The following RGS7 variants were observed in gnomAD, a reference collection of about 807,000 sequenced individuals.
RGS7 encodes the protein regulator of G-protein signaling 7.
A neutral mutation model predicts 81.1 loss-of-function variants in RGS7; 27 were observed. The ratio of observed to expected loss-of-function variants is 0.33; its 90% CI spans 0.25 to 0.46. The LOEUF is 0.46. Among genes scored for constraint, RGS7 ranks in the 20% least tolerant of loss-of-function variants. The probability of loss-of-function intolerance (pLI) is 1.00; values close to 1 mark genes in which losing one functional copy is unlikely to be tolerated. For missense variants in RGS7, 396 were observed against 607.4 expected, an observed-to-expected ratio of 0.65 and a Z score of 3.66; for synonymous variants, 208 against 207.7, an observed-to-expected ratio of 1.00 and a Z score of -0.01.
At chr1:241,093,262 C>T (rs1439452712) in intron 3 of RGS7, among the ~76,000 whole-genome samples, 2 of 152,112 alleles carry the variant, frequency 1.3e-5, no homozygotes, top group East Asian at 1.9e-4. Context: ...ACAGACAATT[C>T]AAGTTCTTTG....
At chr1:241,283,246 C>T (rs2078621576) in intron 2 of RGS7, among the ~76,000 whole-genome samples, 1 of 152,140 alleles carries the variant, frequency 6.6e-6, no homozygotes. Flanking sequence ...AGTCTTTGCT[C>T]CTTTTTCATG....
intron 2 of RGS7, among the ~76,000 whole-genome samples, chr1:241,169,503 C>T (rs1469814244): frequency 4.0e-5 from 6 of 151,882 alleles, no homozygotes; most frequent in African/African-American, 9.6e-5. Context: ...CCACCACACC[C>T]GGCTAATTTT....
chr1:240,956,239 C>G (rs1363026629), intron 4 of RGS7, among the ~76,000 whole-genome samples: 1 of 152,100 alleles, frequency 6.6e-6, no homozygotes, highest in Admixed American at 6.6e-5. Flanking sequence ...GTTGCCCTAT[C>G]TGCCTTTCCT....
chr1:241,012,062 C>T (rs1314932553), intron 3 of RGS7, among the ~76,000 whole-genome samples: 1 of 152,108 alleles, frequency 6.6e-6, no homozygotes, highest in Non-Finnish European at 1.5e-5. Context: ...GGGGTCTGGA[C>T]TGGGACCCCT....
intron 2 of RGS7, among the ~76,000 whole-genome samples, chr1:241,148,051 C>CT (rs58632066): frequency 0.36 from 38,705 of 108,558 alleles, 8,719 homozygotes; most frequent in Non-Finnish European, 0.46. Context: ...TTTTCTTTTT[C>CT]TTTTTTTTTT....
At chr1:241,329,371 G>A (rs1204060802) in intron 2 of RGS7, among the ~76,000 whole-genome samples, 2 of 152,174 alleles carry the variant, frequency 1.3e-5, no homozygotes, top group African/African-American at 4.8e-5. Context: ...AATAAGATCA[G>A]AACATGTACA....
chr1:241,121,002 C>T (rs967217001), intron 2 of RGS7, among the ~76,000 whole-genome samples: 3 of 152,182 alleles, frequency 2.0e-5, no homozygotes, highest in African/African-American at 7.2e-5. Context: ...GAAAGCTTTG[C>T]TCCAGGTCTA....
At chr1:241,146,905 T>C (rs1343566363) in intron 2 of RGS7, among the ~76,000 whole-genome samples, 1 of 152,186 alleles carries the variant, frequency 6.6e-6, no homozygotes, top group Non-Finnish European at 1.5e-5. Flanking sequence ...ATAAAGGCTC[T>C]ACCTTCAGGG....
At chr1:241,222,999 C>T (rs1436229152) in intron 2 of RGS7, among the ~76,000 whole-genome samples, 2 of 152,128 alleles carry the variant, frequency 1.3e-5, no homozygotes, top group African/African-American at 4.8e-5. Context: ...TGAACTCATC[C>T]TTTTTGATGG....
intron 2 of RGS7, among the ~76,000 whole-genome samples, chr1:241,178,540 G>C (rs2071347869): frequency 6.6e-6 from 1 of 152,110 alleles, no homozygotes; most frequent in African/African-American, 2.4e-5. Flanking sequence ...CAAGGACCAA[G>C]AAAGTAGAAG....
chr1:240,977,645 T>G (rs1684333132), intron 4 of RGS7, among the ~76,000 whole-genome samples: 1 of 152,210 alleles, frequency 6.6e-6, no homozygotes. Flanking sequence ...GATTGCAACA[T>G]TCTCCTGAGA....
intron 2 of RGS7, among the ~76,000 whole-genome samples, chr1:241,181,443 C>G (rs371584030): frequency 6.6e-6 from 1 of 152,100 alleles, no homozygotes; most frequent in African/African-American, 2.4e-5. Context: ...TAATTAAATG[C>G]GATAAATATG....
chr1:240,895,064 T>C (rs937354800), intron 6 of RGS7, among the ~76,000 whole-genome samples: 1 of 151,820 alleles, frequency 6.6e-6, no homozygotes, highest in African/African-American at 2.4e-5. Context: ...TCGTGAGATC[T>C]GGTCATCTAA....
At chr1:240,971,383 G>A (rs375056650) in intron 4 of RGS7, among the ~76,000 whole-genome samples, 4 of 152,278 alleles carry the variant, frequency 2.6e-5, no homozygotes, top group South Asian at 2.1e-4. Flanking sequence ...CAGAATATAG[G>A]CAAAAATAAA....
At chr1:241,349,010 G>GATA (rs35986643) in intron 2 of RGS7, among the ~76,000 whole-genome samples, 143,969 of 151,990 alleles carry the variant, frequency 0.95, 68,681 homozygotes, top group South Asian at 1. Flanking sequence ...AAGATAAAAT[G>GATA]ATAATAATAT....
intron 6 of RGS7, among the ~76,000 whole-genome samples, chr1:240,875,974 C>T (rs775224876): frequency 1.7e-4 from 26 of 152,202 alleles, no homozygotes; most frequent in Non-Finnish European, 3.2e-4. Context: ...ATGATTTTTA[C>T]GGTACCTTTA....
intron 2 of RGS7, among the ~76,000 whole-genome samples, chr1:241,277,850 A>T (rs1285464682): frequency 1.3e-5 from 2 of 152,202 alleles, no homozygotes; most frequent in African/African-American, 4.8e-5. Context: ...AAAGAGACTT[A>T]GTCATTTATT....
At chr1:240,874,541 A>C (rs1205960767) in intron 6 of RGS7, among the ~76,000 whole-genome samples, 1 of 152,232 alleles carries the variant, frequency 6.6e-6, no homozygotes, top group African/African-American at 2.4e-5. Context: ...AACAAAAATA[A>C]ATATGTGCTT....
intron 3 of RGS7, among the ~76,000 whole-genome samples, chr1:241,067,006 AT>A (rs2062102740): frequency 6.6e-6 from 1 of 152,270 alleles, no homozygotes; most frequent in East Asian, 1.9e-4. Context: ...GGAGGTTTGA[AT>A]TTTCCAAAGG....
Sources: allele counts gnomAD v4.1 joint callset (sites outside exome capture counted in the v4.1 genomes callset), GRCh38; gene constraint gnomAD v4.1.1; transcripts MANE v1.5; gene names NCBI Gene and HGNC (gene_info 2026-07-23, HGNC 2026-07-21).